Variants in CPM observed in about 807,000 individuals in gnomAD.
CPM encodes the protein carboxypeptidase M.
CPM carries 35 observed loss-of-function variants against 46.4 expected under a neutral mutation model. That is an observed-to-expected ratio of 0.75 (90% CI 0.58 to 1.00). CPM has a LOEUF of 1.00. Among genes scored for constraint, CPM ranks in the 50% least tolerant of loss-of-function variants. CPM has a pLI of 0.00. For synonymous variants in CPM, 195 were observed against 195.3 expected, an observed-to-expected ratio of 1.00 and a Z score of 0.01; for missense variants, 422 against 530.4, an observed-to-expected ratio of 0.80 and a Z score of 2.01.
rs148923014 is a variant in CPM, at chr12:68,924,428, C to T, written c.160+8250G>A. ...CTTGAACCCAGGAGGCGGAGTGAGC[C>T]GACATTGTGACACTGCACTCCAGCA... is the stretch of plus-strand genomic sequence containing the variant. On this transcript the variant is annotated intron_variant, in intron 2 of 8. Coordinates refer to ENST00000551568, the MANE Select transcript of CPM (RefSeq NM_198320.5). Among the ~76,000 whole-genome samples, 897 of 149,296 alleles carry T rather than the reference C, an allele frequency of 6.0e-3. 11 individuals carry two copies. The highest frequency in any genetic ancestry group is 0.018 in the African/African-American group (743 of 40,352).
intron 1 of CPM, among the ~76,000 whole-genome samples, chr12:68,950,342 A>G (rs991945461): frequency 2.0e-5 from 3 of 152,214 alleles, no homozygotes; most frequent in Non-Finnish European, 4.4e-5. Flanking sequence ...TATGTTATAT[A>G]TTAGTGTTAT....
In CPM at chr12:68,924,860, T is replaced by G. The variant is rs537032809; in HGVS notation, c.160+7818A>C. Among the ~76,000 whole-genome samples, 15 of 152,308 alleles carry G rather than the reference T, an allele frequency of 9.8e-5. No individual in the cohort carries two copies. In the South Asian group the frequency reaches 3.1e-3, roughly 32 times the overall value. ...AATCACCGGCTAAAATCTATCCAGT[T>G]GAGGGCAAGTGATCATGAGAGATCT... On this transcript the variant is annotated intron_variant, in intron 2 of 8. Coordinates refer to ENST00000551568, the MANE Select transcript of CPM (RefSeq NM_198320.5).
intron 1 of CPM, among the ~76,000 whole-genome samples, chr12:68,952,346 A>G (rs1465535840): frequency 1.3e-5 from 2 of 152,138 alleles, no homozygotes; most frequent in African/African-American, 4.8e-5. Context: ...TCTGGCATTG[A>G]GAGTACTTGG....
At chr12:68,898,676 T>C (rs1886987339) in intron 2 of CPM, among the ~76,000 whole-genome samples, 1 of 152,196 alleles carries the variant, frequency 6.6e-6, no homozygotes. Flanking sequence ...GATGAGATGA[T>C]ATACAGTATC....
chr12:68,887,938 C>T (rs1886506484), intron 2 of CPM, among the ~76,000 whole-genome samples: 1 of 152,198 alleles, frequency 6.6e-6, no homozygotes, highest in South Asian at 2.1e-4. Context: ...CCATCAGAAG[C>T]ATTTGATTAA....
intron 2 of CPM, among the ~76,000 whole-genome samples, chr12:68,895,028 CAAAAAAA>C (rs35142646): frequency 2.6e-5 from 2 of 78,234 alleles, no homozygotes; most frequent in South Asian, 9.5e-4. Flanking sequence ...GACTCAGTCT[CAAAAAAA>C]AAAAAAAAAA....
chr12:68,919,063 C>T (rs1887930078), intron 2 of CPM, among the ~76,000 whole-genome samples: 1 of 152,210 alleles, frequency 6.6e-6, no homozygotes, highest in Non-Finnish European at 1.5e-5. Flanking sequence ...ACTCTTTCCA[C>T]CTCGAGGCCT....
chr12:68,852,997 G>T lies in CPM; in HGVS notation c.*3440C>A, dbSNP rs1311125688. ...ATAACCACCAGCCCAAGAGGGAGGG[G>T]AAAAGCCGGAAAGGCGTTGGGCAGG... On this transcript the variant is annotated 3_prime_UTR_variant, in exon 9 of 9. Transcript: ENST00000551568. The T allele has an allele frequency of 6.6e-6, 1 of 152,318 alleles. No individual in the cohort carries two copies. Among genetic ancestry groups the T allele is most frequent in the Non-Finnish European group, 1.5e-5 (1 of 68,050 alleles). The allele number at this position is 152,318 out of a possible 1,614,324, so 9.4% of individuals were successfully genotyped here.
intron 1 of CPM, among the ~76,000 whole-genome samples, chr12:68,958,189 T>A (rs974127825): frequency 2.6e-5 from 4 of 152,194 alleles, no homozygotes; most frequent in African/African-American, 9.7e-5. Context: ...TGATTTATAA[T>A]CCTTTGGATA....
intron 7 of CPM, among the ~76,000 whole-genome samples, chr12:68,860,451 T>C (rs1317011549): frequency 6.6e-6 from 1 of 152,204 alleles, no homozygotes; most frequent in African/African-American, 2.4e-5. Context: ...TATTTTGTTT[T>C]ATTTAATTAA....
intron 1 of CPM, among the ~76,000 whole-genome samples, chr12:68,961,876 C>T (rs764806714): frequency 2.0e-5 from 3 of 152,016 alleles, no homozygotes; most frequent in South Asian, 4.1e-4. Flanking sequence ...TAAAGTGTTT[C>T]GTGGTCTTTT....
At chr12:68,924,426 G>C (rs1206284268) in intron 2 of CPM, among the ~76,000 whole-genome samples, 1 of 151,044 alleles carries the variant, frequency 6.6e-6, no homozygotes, top group African/African-American at 2.4e-5. Flanking sequence ...GGCGGAGTGA[G>C]CCGACATTGT....
intron 2 of CPM, among the ~76,000 whole-genome samples, chr12:68,897,604 G>C (rs886573758): frequency 2.0e-5 from 3 of 152,058 alleles, no homozygotes; most frequent in Admixed American, 6.6e-5. Flanking sequence ...GGGCGTGGTG[G>C]TGTGTGCCTG....
At chr12:68,881,186 T>C (rs1231045647) in intron 3 of CPM, among the ~76,000 whole-genome samples, 1 of 152,236 alleles carries the variant, frequency 6.6e-6, no homozygotes, top group African/African-American at 2.4e-5. Flanking sequence ...TCCTAAGATG[T>C]GTATTAGCCA....
At chr12:68,945,490 T>C (rs1330423924) in intron 1 of CPM, among the ~76,000 whole-genome samples, 3 of 152,212 alleles carry the variant, frequency 2.0e-5, no homozygotes, top group Non-Finnish European at 2.9e-5. Flanking sequence ...CAACTGCTCT[T>C]CCTGTTGACA....
intron 1 of CPM, among the ~76,000 whole-genome samples, chr12:68,938,261 A>G (rs988358145): frequency 6.6e-6 from 1 of 152,078 alleles, no homozygotes; most frequent in Non-Finnish European, 1.5e-5. Flanking sequence ...CTTAAAACAC[A>G]TTTAGGGATG....
At position 68,853,204 on chromosome 12, in the gene CPM, G is replaced by C. The variant is rs909832583; in HGVS notation, c.*3233C>G. 1 of 152,156 alleles carries C rather than the reference G, an allele frequency of 6.6e-6. No homozygotes were observed. The highest frequency in any genetic ancestry group is 1.5e-5 in the Non-Finnish European group (1 of 68,026). The allele number at this position is 152,156 out of a possible 1,614,324, so 9.4% of individuals were successfully genotyped here. A position where few individuals can be genotyped will look rare whatever the true frequency, so the allele number is the denominator to read the frequency against. ...TTTTGTTCGTGTCTCTTCAAAAATTGCTATCTTAGAAAAGTTAGAATTCAA... is the reference window on the plus strand; with the variant it reads ...TTTTGTTCGTGTCTCTTCAAAAATTCCTATCTTAGAAAAGTTAGAATTCAA... On this transcript the variant is annotated 3_prime_UTR_variant, in exon 9 of 9. Coordinates refer to ENST00000551568, the MANE Select transcript of CPM (RefSeq NM_198320.5).
At chr12:68,959,580 G>A (rs1404873647) in intron 1 of CPM, among the ~76,000 whole-genome samples, 1 of 152,244 alleles carries the variant, frequency 6.6e-6, no homozygotes, top group East Asian at 1.9e-4. Context: ...AATATGAAAA[G>A]TTGGCTGCAT....
intron 2 of CPM, among the ~76,000 whole-genome samples, chr12:68,910,479 T>C (rs1409993446): frequency 6.6e-6 from 1 of 152,206 alleles, no homozygotes; most frequent in Non-Finnish European, 1.5e-5. Flanking sequence ...TACCTAATTC[T>C]TTAATAAAGG....
Sources: allele counts gnomAD v4.1 joint callset (sites outside exome capture counted in the v4.1 genomes callset), GRCh38; gene constraint gnomAD v4.1.1; transcripts MANE v1.5; gene names NCBI Gene and HGNC (gene_info 2026-07-23, HGNC 2026-07-21).